Variants in FMN1 observed in about 807,000 individuals in gnomAD.
FMN1 encodes formin 1, also known as formin-1.
FMN1 carries 110 observed loss-of-function variants against 132.4 expected under a neutral mutation model. The ratio of observed to expected loss-of-function variants is 0.83; its 90% confidence interval spans 0.71 to 0.97. The LOEUF (loss-of-function observed/expected upper bound fraction) is 0.97. Ranked by LOEUF, FMN1 falls within the 50% of genes least tolerant of loss-of-function variation. FMN1 has a pLI of 0.00. For synonymous variants in FMN1, 722 were observed against 651.7 expected (o/e 1.11, Z -1.64); for missense variants, 1,792 against 1,705.3 (o/e 1.05, Z -0.90).
At chr15:32,981,717 T>A (rs950408580) in intron 7 of FMN1, among the ~76,000 whole-genome samples, 26 of 151,898 alleles carry the variant, frequency 1.7e-4, no homozygotes, top group Admixed American at 1.3e-4. Flanking sequence ...AAAAACATGA[T>A]TCATTTAGCA....
Position 32,772,053 on chromosome 15 carries a change from G to A in FMN1, c.*2257C>T, listed in dbSNP as rs561043737. ...ACAAAACCACTAGGTTTCCCCAACC[G>A]AGGCAGGCAAACCTTGCTTTGTAGA... On this transcript the variant is annotated 3_prime_UTR_variant, in exon 21 of 21. Coordinates refer to ENST00000616417, the MANE Select transcript of FMN1 (RefSeq NM_001277313.2). The A allele has an allele frequency of 2.6e-5, 4 of 152,272 alleles. No individual in the cohort carries two copies. The highest frequency in any genetic ancestry group is 4.2e-4 in the South Asian group (2 of 4,816). 9.4% of individuals were successfully genotyped at this position (152,272 alleles called of 1,614,324 possible).
chr15:32,894,188 T>TA (rs1328574881), intron 15 of FMN1, among the ~76,000 whole-genome samples: 3 of 151,954 alleles, frequency 2.0e-5, no homozygotes, highest in African/African-American at 7.3e-5. Flanking sequence ...TTACAGGCAG[T>TA]AAAAAAGAGA....
At chr15:32,994,212 CCTCTCT>C (rs771176022) in intron 7 of FMN1, among the ~76,000 whole-genome samples, 14 of 146,384 alleles carry the variant, frequency 9.6e-5, no homozygotes, top group South Asian at 2.2e-4. Flanking sequence ...AGAACTCATT[CCTCTCT>C]CTCTCTCTCT....
rs2060663966 is a variant in FMN1, at chr15:32,915,528, GTC to G, written c.3227-4995_3227-4994del. The stretch of plus-strand genomic sequence containing the variant: ...TATACTTTGAAAACACTCACTTTCT[GTC>G]TCTGTCTCTTCCACGCATGTGTGTG... On this transcript the variant is annotated intron_variant, in intron 10 of 20. Transcript: ENST00000616417. 3.3e-5 allele frequency among the ~76,000 whole-genome samples: 5 copies of G among 152,212 alleles called. No homozygotes were observed. The South Asian group carries it at 1.0e-3, about 32-fold the overall frequency.
At chr15:32,810,791 A>G in intron 17 of FMN1, 1 of 271,096 alleles carries the variant, frequency 3.7e-6, no homozygotes. Context: ...GGAAGGGATA[A>G]GGGTTGGAGT....
At chr15:32,949,970 C>CACATATATATATATATAT (rs1555503145) in intron 9 of FMN1, among the ~76,000 whole-genome samples, 1 of 8,734 alleles carries the variant, frequency 1.1e-4, no homozygotes, top group African/African-American at 3.6e-4. Context: ...TATATACACA[C>CACATATATATATATATAT]ATATATATAC....
chr15:32,818,225 AAGGTAT>A (rs1390220879), intron 17 of FMN1, among the ~76,000 whole-genome samples: 3 of 152,120 alleles, frequency 2.0e-5, no homozygotes, highest in Non-Finnish European at 4.4e-5. Flanking sequence ...ATTTAACATA[AAGGTAT>A]AGGTATAGGT....
chr15:32,933,639 G>T (rs1240370857), intron 9 of FMN1, among the ~76,000 whole-genome samples: 1 of 152,012 alleles, frequency 6.6e-6, no homozygotes, highest in South Asian at 2.1e-4. Context: ...CATATATTTG[G>T]CTTGTACGTT....
At chr15:33,125,303 A>C (rs1353097589) in intron 4 of FMN1, among the ~76,000 whole-genome samples, 1 of 152,208 alleles carries the variant, frequency 6.6e-6, no homozygotes, top group Non-Finnish European at 1.5e-5. Context: ...CTTCTGATGC[A>C]TAGTAAGCCG....
chr15:32,767,089 G>A lies in FMN1; in HGVS notation c.*7221C>T, dbSNP rs2056073627. 6.6e-6 allele frequency: 1 copy of A among 152,198 alleles called. No homozygotes were observed. The highest frequency in any genetic ancestry group is 1.5e-5 in the Non-Finnish European group (1 of 68,058). 9.4% of individuals were successfully genotyped at this position (152,198 alleles called of 1,614,324 possible). A position where few individuals can be genotyped will look rare whatever the true frequency, so the allele number is the denominator to read the frequency against. On this transcript the variant is annotated 3_prime_UTR_variant, in exon 21 of 21. Coordinates refer to ENST00000616417, the MANE Select transcript of FMN1 (RefSeq NM_001277313.2). ...GCACTCACATTTGCCTAATACAGAT[G>A]CCTTGAATTTCCACGGAAAAGCTGT...
At chr15:32,979,189 G>C (rs974802051) in intron 7 of FMN1, among the ~76,000 whole-genome samples, 1 of 152,102 alleles carries the variant, frequency 6.6e-6, no homozygotes, top group South Asian at 2.1e-4. Flanking sequence ...TCACAACAAA[G>C]ATGGCCTCCC....
chr15:33,007,141 C>T (rs768641221), intron 7 of FMN1, among the ~76,000 whole-genome samples: 1 of 152,092 alleles, frequency 6.6e-6, no homozygotes, highest in Non-Finnish European at 1.5e-5. Context: ...AGTTACTCCA[C>T]AATATATACA....
intron 5 of FMN1, among the ~76,000 whole-genome samples, chr15:33,086,170 A>T (rs1595440329): frequency 6.6e-6 from 1 of 151,864 alleles, no homozygotes. Flanking sequence ...AGAATCGCTT[A>T]AACCCAGGAG....
chr15:33,083,266 T>A (rs1182808955), intron 5 of FMN1, among the ~76,000 whole-genome samples: 2 of 152,260 alleles, frequency 1.3e-5, no homozygotes, highest in Non-Finnish European at 2.9e-5. Flanking sequence ...ATAGAAGTTG[T>A]AATATTTGTT....
At chr15:32,785,218 A>ATATATATTT (rs1444523400) in intron 19 of FMN1, among the ~76,000 whole-genome samples, 8 of 39,204 alleles carry the variant, frequency 2.0e-4, no homozygotes, top group African/African-American at 6.0e-4. Flanking sequence ...ATATATATAT[A>ATATATATTT]TTTTTTTTTT....
At chr15:33,055,912 C>G (rs756674284) in intron 6 of FMN1, among the ~76,000 whole-genome samples, 13 of 152,208 alleles carry the variant, frequency 8.5e-5, no homozygotes, top group Non-Finnish European at 1.9e-4. Flanking sequence ...GAAAGAGAGA[C>G]AATTCATTAA....
At chr15:32,936,737 G>C (rs2061282482) in intron 9 of FMN1, among the ~76,000 whole-genome samples, 1 of 152,126 alleles carries the variant, frequency 6.6e-6, no homozygotes, top group African/African-American at 2.4e-5. Context: ...AAGAAGAAAA[G>C]AAGATGGGTG....
intron 6 of FMN1, among the ~76,000 whole-genome samples, chr15:33,018,406 G>A (rs887813366): frequency 6.6e-6 from 1 of 152,118 alleles, no homozygotes; most frequent in African/African-American, 2.4e-5. Context: ...AACCTATGGG[G>A]AGGGCAGAGG....
intron 4 of FMN1, among the ~76,000 whole-genome samples, chr15:33,139,363 G>A (rs533090863): frequency 2.0e-4 from 31 of 152,296 alleles, no homozygotes; most frequent in East Asian, 5.8e-4. Context: ...TTGGGAGGCC[G>A]AGGCGGGCGG....
Sources: allele counts gnomAD v4.1 joint callset (sites outside exome capture counted in the v4.1 genomes callset), GRCh38; gene constraint gnomAD v4.1.1; transcripts MANE v1.5; gene names NCBI Gene and HGNC (gene_info 2026-07-23, HGNC 2026-07-21).